SHROOM2: variants seen among roughly 807,000 people sequenced by gnomAD.
SHROOM2 encodes the protein protein Shroom2.
Under a neutral mutation model 75.9 loss-of-function variants are expected in SHROOM2, and 33 were observed. The ratio of observed to expected loss-of-function variants is 0.43; its 90% CI spans 0.33 to 0.58. The LOEUF is 0.58. SHROOM2 is among the 20% of genes least tolerant of loss of function. SHROOM2 has a pLI of 0.04. For missense variants in SHROOM2, 1,434 were observed against 1,461.2 expected (o/e 0.98, Z 0.30); for synonymous variants, 655 against 663.6 (o/e 0.99, Z 0.20).
At chrX:9,939,697 A>G (rs1272592253) in intron 8 of SHROOM2, among the ~76,000 whole-genome samples, 3 of 111,852 alleles carry the variant, frequency 2.7e-5, no homozygotes, top group African/African-American at 6.5e-5. Context: ...CTTGAGTGCA[A>G]TGGTGCAATC....
At chrX:9,902,118 G>A (rs749229935) in intron 5 of SHROOM2, among the ~76,000 whole-genome samples, 1 of 111,004 alleles carries the variant, frequency 9.0e-6, no homozygotes, top group Admixed American at 9.6e-5. Flanking sequence ...TGGATGAATG[G>A]AAGAGTAAGT....
chrX:9,937,199 A>T lies in SHROOM2; in HGVS notation c.3653A>T (p.Glu1218Val). 2 of 1,204,474 alleles carry T rather than the reference A, an allele frequency of 1.7e-6. No homozygotes were observed. The change falls in exon 7 of 10, where the codon GAG (glutamate) becomes GTG (valine). Residue 1218 changes from glutamate to valine, a missense_variant. Transcript: ENST00000380913. Reference protein sequence around the residue: ...KMVPIKIVHSESQPEKESRQS... With the variant: ...KMVPIKIVHSVSQPEKESRQS... ...GTGCCCATCAAGATCGTGCACTCGG[A>T]GAGCCAGCCAGAGAAGGAGAGCCGC...
At chrX:9,841,458 T>A (rs2083979152) in intron 1 of SHROOM2, among the ~76,000 whole-genome samples, 1 of 111,805 alleles carries the variant, frequency 8.9e-6, no homozygotes, top group Admixed American at 9.6e-5. Flanking sequence ...TTGGGCCATC[T>A]AACATTCCTA....
intron 1 of SHROOM2, among the ~76,000 whole-genome samples, chrX:9,836,664 C>G: frequency 9.1e-6 from 1 of 110,187 alleles, no homozygotes; most frequent in Non-Finnish European, 1.9e-5. Flanking sequence ...TGGCCTGAAG[C>G]AATCCTCCCA....
In SHROOM2 at chrX:9,932,984, G is replaced by A; in HGVS notation, c.3587+114G>A. ...CACCTTGCTTTAGCTCAAGGCGTTG[G>A]ACTTAAAGTCAGTACTGGGGAATAA... On this transcript the variant is annotated intron_variant, in intron 6 of 9. Coordinates refer to ENST00000380913, the MANE Select transcript of SHROOM2 (RefSeq NM_001649.4). The A allele has an allele frequency of 1.2e-5, 7 of 596,277 alleles. No homozygotes were observed. In the South Asian group the frequency reaches 2.2e-4, roughly 18 times the overall value. 49.1% of individuals were successfully genotyped at this position (596,277 alleles called of 1,213,427 possible). A position where few individuals can be genotyped will look rare whatever the true frequency, so the allele number is the denominator to read the frequency against.
At chrX:9,901,154 G>A (rs998028555) in intron 5 of SHROOM2, among the ~76,000 whole-genome samples, 1 of 110,887 alleles carries the variant, frequency 9.0e-6, no homozygotes, top group Non-Finnish European at 1.9e-5. Context: ...TCACAAGGTC[G>A]TCCCTCTGCG....
At chrX:9,848,555 A>C (rs1358740267) in intron 1 of SHROOM2, among the ~76,000 whole-genome samples, 1 of 105,928 alleles carries the variant, frequency 9.4e-6, no homozygotes, top group African/African-American at 3.4e-5. Context: ...TAAGTATCTA[A>C]GTATTTAAGT....
At chrX:9,860,971 A>G (rs1053049537) in intron 1 of SHROOM2, among the ~76,000 whole-genome samples, 2 of 111,938 alleles carry the variant, frequency 1.8e-5, no homozygotes, top group African/African-American at 3.2e-5. Flanking sequence ...CCTATGTGAC[A>G]TATCTGGAAT....
intron 1 of SHROOM2, among the ~76,000 whole-genome samples, chrX:9,850,015 C>G (rs912859861): frequency 4.5e-5 from 5 of 111,595 alleles, no homozygotes; most frequent in African/African-American, 1.6e-4. Flanking sequence ...TGCTGTCACA[C>G]TGGGGAGAAC....
rs376124648 is a variant in SHROOM2, at chrX:9,896,466, A to G, written c.2558A>G (p.Asn853Ser). ...ACCACCTCCCTTGGGGACAGCCTCA[A>G]CGCTCACAGCGCAGCGGAGAAGGCA... ...SRTTSLGDSLNAHSAAEKAGT... is the reference protein window; with the variant it reads ...SRTTSLGDSLSAHSAAEKAGT... The change falls in exon 4 of 10, where the codon AAC becomes AGC. Residue 853 changes from asparagine (N) to serine (S), a missense_variant. Around this residue, in one of 3 missense-constraint regions of SHROOM2, gnomAD observed 1,340 missense variants for 1,338.3 expected, o/e 1.00. Transcript: ENST00000380913. The G allele has an allele frequency of 8.5e-5, 103 of 1,210,205 alleles. No homozygotes were observed. Among genetic ancestry groups the G allele is most frequent in the Middle Eastern group, 4.6e-4 (2 of 4,368 alleles).
chrX:9,792,012 A>G (rs190602979), intron 1 of SHROOM2, among the ~76,000 whole-genome samples: 42 of 107 alleles, frequency 0.39, 2 homozygotes, highest in African/African-American at 0.48. Flanking sequence ...AATAGAATAG[A>G]ATAGAATAGA....
rs756155141 is a variant in SHROOM2, at chrX:9,894,942, C to T, written c.1034C>T (p.Ala345Val). 1.9e-5 allele frequency: 23 copies of T among 1,210,793 alleles called. No individual in the cohort carries two copies. The highest frequency in any genetic ancestry group is 3.5e-5 in the South Asian group (2 of 56,852). ...AQGPVFSEAA[A>V]AQHFTALAQA... ...GGCCCTGTGTTCTCAGAGGCGGCTG[C>T]GGCACAGCACTTTACGGCCCTGGCC... Residue 345 changes from alanine to valine, a missense_variant, in exon 4 of 10, where the codon GCG becomes GTG. Physicochemically the swap from Ala to Val is moderately conservative, Grantham distance 64 (BLOSUM62 0). This residue lies in a region of SHROOM2 where 1,340 missense variants were observed against 1,338.3 expected (regional missense o/e 1.00). Coordinates refer to ENST00000380913, the MANE Select transcript of SHROOM2 (RefSeq NM_001649.4).
At chrX:9,893,202 A>T (rs905706884) in intron 3 of SHROOM2, among the ~76,000 whole-genome samples, 1 of 111,721 alleles carries the variant, frequency 9.0e-6, no homozygotes, top group Non-Finnish European at 1.9e-5. Context: ...TCCCAGGCTC[A>T]AGCCATCTTC....
chrX:9,808,885 T>A (rs2083774666), intron 1 of SHROOM2, among the ~76,000 whole-genome samples: 1 of 110,549 alleles, frequency 9.0e-6, no homozygotes, highest in Non-Finnish European at 1.9e-5. Flanking sequence ...TAAAAATAAA[T>A]GGATGTAATT....
At chrX:9,791,867 T>C (rs2083649738) in intron 1 of SHROOM2, among the ~76,000 whole-genome samples, 2 of 108,982 alleles carry the variant, frequency 1.8e-5, no homozygotes, top group Admixed American at 2.0e-4. Context: ...TGGTGGTGCA[T>C]GCCTGTAATT....
chrX:9,848,510 CAAAAAAAAAA>C (rs774991614), intron 1 of SHROOM2, among the ~76,000 whole-genome samples: 1 of 22,038 alleles, frequency 4.5e-5, no homozygotes, highest in Non-Finnish European at 8.6e-5. Context: ...GACTCCGTCT[CAAAAAAAAAA>C]AAAAAAAAAA....
At chrX:9,937,068 G>T in intron 6 of SHROOM2, 66 bp from the exon 7 acceptor site, 1 of 1,066,035 alleles carries the variant, frequency 9.4e-7, no homozygotes, top group South Asian at 2.2e-5. Flanking sequence ...GAGGGCAGGG[G>T]ACACGTCAAT....
chrX:9,872,270 G>A (rs12845956), intron 1 of SHROOM2, among the ~76,000 whole-genome samples: 1,273 of 112,813 alleles, frequency 0.011, 11 homozygotes, highest in Non-Finnish European at 0.02. Context: ...GTTAATAAAA[G>A]TTACAGAATG....
intron 1 of SHROOM2, among the ~76,000 whole-genome samples, chrX:9,815,574 ATATC>A (rs1223812852): frequency 1.4e-4 from 15 of 104,360 alleles, no homozygotes; most frequent in African/African-American, 5.3e-4. Flanking sequence ...TCTATATCCT[ATATC>A]TATATCTATA....
Sources: allele counts gnomAD v4.1 joint callset (sites outside exome capture counted in the v4.1 genomes callset), GRCh38; gene constraint gnomAD v4.1.1; regional missense constraint gnomAD v4.1.1; transcripts MANE v1.5; gene names NCBI Gene and HGNC (gene_info 2026-07-23, HGNC 2026-07-21).